MAST4: variants seen among roughly 807,000 people sequenced by gnomAD.
MAST4 encodes microtubule associated serine/threonine kinase family member 4, also known as microtubule-associated serine/threonine-protein kinase 4.
A neutral mutation model predicts 162.7 loss-of-function variants in MAST4; 89 were observed. The ratio of observed to expected loss-of-function variants is 0.55; its 90% confidence interval spans 0.46 to 0.65. The LOEUF (loss-of-function observed/expected upper bound fraction) is 0.65. Among genes scored for constraint, MAST4 ranks in the 30% least tolerant of loss-of-function variants. The pLI, the probability that MAST4 is intolerant of heterozygous loss-of-function variation, is 0.00. For synonymous variants in MAST4, 1,479 were observed against 1,361.1 expected, an observed-to-expected ratio of 1.09 and a Z score of -1.91; for missense variants, 3,153 against 3,374.0, an observed-to-expected ratio of 0.93 and a Z score of 1.62.
chr5:66,845,138 CTT>C (rs1758752891), intron 3 of MAST4, among the ~76,000 whole-genome samples: 3 of 130,532 alleles, frequency 2.3e-5, no homozygotes, highest in African/African-American at 5.9e-5. Context: ...CACACACACA[CTT>C]GAAGTTCTAG....
intron 4 of MAST4, among the ~76,000 whole-genome samples, chr5:67,014,084 A>T (rs1406625421): frequency 6.6e-6 from 1 of 151,890 alleles, no homozygotes; most frequent in Non-Finnish European, 1.5e-5. Context: ...GAGCTACTGA[A>T]GCTATGTCAG....
At chr5:66,675,270 C>G (rs1197591188) in intron 1 of MAST4, among the ~76,000 whole-genome samples, 1 of 152,126 alleles carries the variant, frequency 6.6e-6, no homozygotes, top group Non-Finnish European at 1.5e-5. Context: ...CCCACTAGGT[C>G]TCTCTCATTG....
At chr5:67,104,864 T>G (rs1581576226) in intron 10 of MAST4, among the ~76,000 whole-genome samples, 1 of 152,140 alleles carries the variant, frequency 6.6e-6, no homozygotes, top group African/African-American at 2.4e-5. Flanking sequence ...AGTGATTTTT[T>G]CCCCCTTTAA....
At chr5:67,094,230 C>T (rs2150814623) in intron 6 of MAST4, 2 of 1,188,810 alleles carry the variant, frequency 1.7e-6, no homozygotes, top group African/African-American at 3.0e-5. Flanking sequence ...ATTTTTCCGT[C>T]TTGTCTTTGT....
intron 5 of MAST4, among the ~76,000 whole-genome samples, chr5:67,079,747 C>T (rs1762388565): frequency 6.6e-6 from 1 of 152,184 alleles, no homozygotes; most frequent in South Asian, 2.1e-4. Flanking sequence ...TTTCCTTTCA[C>T]TTTTCCTTCT....
intron 4 of MAST4, among the ~76,000 whole-genome samples, chr5:67,040,459 C>T (rs1330196273): frequency 6.6e-6 from 1 of 152,118 alleles, no homozygotes; most frequent in Non-Finnish European, 1.5e-5. Context: ...ATATCGTGTC[C>T]ACATCCCACC....
chr5:66,784,820 C>A (rs933553908), intron 2 of MAST4, among the ~76,000 whole-genome samples: 3 of 152,160 alleles, frequency 2.0e-5, no homozygotes, highest in Non-Finnish European at 2.9e-5. Context: ...TATCTCCTTT[C>A]ATCTTATCTG....
At chr5:66,636,207 C>T (rs9791141) in intron 1 of MAST4, among the ~76,000 whole-genome samples, 15,008 of 151,976 alleles carry the variant, frequency 0.099, 1,075 homozygotes, top group East Asian at 0.43. Context: ...CTGCCTGCCT[C>T]GGCCTCCCAA....
chr5:66,616,572 G>A (rs955348892), intron 1 of MAST4, among the ~76,000 whole-genome samples: 2 of 152,034 alleles, frequency 1.3e-5, no homozygotes, highest in African/African-American at 2.4e-5. Flanking sequence ...CCAGAGCGGG[G>A]CTCTTCTGGA....
chr5:66,612,234 T>TG (rs1260613661), intron 1 of MAST4, among the ~76,000 whole-genome samples: 1 of 152,232 alleles, frequency 6.6e-6, no homozygotes, highest in African/African-American at 2.4e-5. Context: ...TTCCCTTGCC[T>TG]GTTCACTTGA....
chr5:66,840,432 T>G (rs1225858361), intron 3 of MAST4, among the ~76,000 whole-genome samples: 2 of 152,206 alleles, frequency 1.3e-5, no homozygotes, highest in Non-Finnish European at 2.9e-5. Flanking sequence ...CACAGATTCA[T>G]TTTCCATTTC....
Position 67,167,141 on chromosome 5 carries a change from A to AC in MAST4, c.*90_*91insC. On this transcript the variant is annotated 3_prime_UTR_variant, in exon 29 of 29. Transcript: ENST00000403625. ...CTTTCAAAACCAGCACTGTGTGGGA[A>AC]TGTCCGCCAGGCAGAGCTCGGAGCC... 1 of 1,199,486 alleles carries AC rather than the reference A, an allele frequency of 8.3e-7. No individual in the cohort carries two copies. Among genetic ancestry groups the AC allele is most frequent in the Non-Finnish European group, 1.1e-6 (1 of 889,288 alleles). 74.3% of individuals were successfully genotyped at this position (1,199,486 alleles called of 1,614,324 possible).
At chr5:66,856,999 A>G (rs945729581) in intron 3 of MAST4, among the ~76,000 whole-genome samples, 1 of 152,218 alleles carries the variant, frequency 6.6e-6, no homozygotes, top group Non-Finnish European at 1.5e-5. Context: ...AAGCAATTGG[A>G]TATTATAAAA....
intron 2 of MAST4, among the ~76,000 whole-genome samples, chr5:66,782,430 T>C (rs1447989761): frequency 6.6e-6 from 1 of 152,228 alleles, no homozygotes; most frequent in Non-Finnish European, 1.5e-5. Context: ...AACTTTCCAC[T>C]CTAACTCTGT....
intron 5 of MAST4, among the ~76,000 whole-genome samples, chr5:67,077,860 G>A (rs1414552361): frequency 6.6e-6 from 1 of 152,164 alleles, no homozygotes; most frequent in Non-Finnish European, 1.5e-5. Flanking sequence ...AGCACTTTGG[G>A]AGGCCGAGAT....
In MAST4 at chr5:67,163,723, C is replaced by G. The variant is rs1007062443; in HGVS notation, c.4544C>G (p.Ser1515Cys). The change falls in exon 29 of 29, where the codon TCC (serine) becomes TGC (cysteine). Residue 1515 changes from serine (S) to cysteine (C), a missense_variant. Around this residue, in one of 7 missense-constraint regions of MAST4, gnomAD observed 1,644 missense variants for 1,495.0 expected, o/e 1.10. Coordinates refer to ENST00000403625, the MANE Select transcript of MAST4 (RefSeq NM_001164664.2). This position sits in a 1 kb window ranked among gnomAD's most constrained non-coding sequence, Gnocchi z 7.0. The stretch of plus-strand genomic sequence containing the variant: ...CAAGGCTGCCTGAAACGCCCAGTCT[C>G]CCGGAAGGTGGGCCGCCAGGAGTCT... The part of the protein sequence containing the change: ...VEQGCLKRPV[S>C]RKVGRQESVD... The G allele has an allele frequency of 7.3e-5, 118 of 1,608,608 alleles. No homozygotes were observed. The highest frequency in any genetic ancestry group is 9.7e-5 in the Non-Finnish European group (114 of 1,177,930).
At chr5:66,652,850 G>C (rs1746314891) in intron 1 of MAST4, among the ~76,000 whole-genome samples, 1 of 152,120 alleles carries the variant, frequency 6.6e-6, no homozygotes, top group Admixed American at 6.5e-5. Flanking sequence ...AAATTTGTTT[G>C]CTCTCTTTGA....
chr5:66,843,716 T>C (rs1758592013), intron 3 of MAST4, among the ~76,000 whole-genome samples: 1 of 152,186 alleles, frequency 6.6e-6, no homozygotes. Context: ...AAAAAGACTT[T>C]ACCAGTTCTC....
chr5:66,973,510 T>C (rs2150208497), intron 4 of MAST4, among the ~76,000 whole-genome samples: 1 of 152,342 alleles, frequency 6.6e-6, no homozygotes, highest in African/African-American at 2.4e-5. Context: ...CAGGTGATGA[T>C]GTCCTCCTCA....
Sources: allele counts gnomAD v4.1 joint callset (sites outside exome capture counted in the v4.1 genomes callset), GRCh38; gene constraint gnomAD v4.1.1; regional missense constraint gnomAD v4.1.1; non-coding constraint Gnocchi (gnomAD v3.1); transcripts MANE v1.5; gene names NCBI Gene and HGNC (gene_info 2026-07-23, HGNC 2026-07-21).